Variants in CELSR3 observed in about 807,000 individuals in gnomAD.
The protein encoded by CELSR3 is cadherin EGF LAG seven-pass G-type receptor 3.
A neutral mutation model predicts 270.0 loss-of-function variants in CELSR3; 73 were observed. The ratio of observed to expected loss-of-function variants is 0.27; its 90% CI spans 0.22 to 0.33. The LOEUF (loss-of-function observed/expected upper bound fraction) is 0.33, where lower values mean the gene tolerates loss of function less well. Among genes scored for constraint, CELSR3 ranks in the 10% least tolerant of loss-of-function variants. The pLI is 1.00. For synonymous variants in CELSR3, 1,780 were observed against 1,905.4 expected, an observed-to-expected ratio of 0.93 and a Z score of 1.71; for missense variants, 3,614 against 4,533.8, an observed-to-expected ratio of 0.80 and a Z score of 5.83.
Position 48,637,880 on chromosome 3 carries a change from T to G in CELSR3, c.*325A>C. 1 of 359,260 alleles carries G rather than the reference T, an allele frequency of 2.8e-6. No individual in the cohort carries two copies. Among genetic ancestry groups the G allele is most frequent in the Non-Finnish European group, 5.2e-6 (1 of 191,084 alleles). The allele number at this position is 359,260 out of a possible 1,614,324, so 22.3% of individuals were successfully genotyped here. On this transcript the variant is annotated 3_prime_UTR_variant, in exon 35 of 35. Transcript: ENST00000164024. Reference sequence around the variant, plus strand: ...AGGACCCAAATGGGGTCAAACTGCATCTCTCCCTCTATCTCCCTCCCCCTC... The same window carrying G: ...AGGACCCAAATGGGGTCAAACTGCAGCTCTCCCTCTATCTCCCTCCCCCTC...
Position 48,659,623 on chromosome 3 carries a change from T to C in CELSR3, c.3012A>G (p.Glu1004=). ...GRVQYTFQNG[E]DGDGDFTIEP... ...CAATGGTAAAATCTCCATCCCCATC[T>C]TCACCATTCTGGAAAGTGTACTGGA... The change falls in exon 1 of 35, where the codon GAA becomes GAG. Residue 1004 remains glutamate, a synonymous_variant. Coordinates refer to ENST00000164024, the MANE Select transcript of CELSR3 (RefSeq NM_001407.3). This position sits in a 1 kb window ranked among gnomAD's most constrained non-coding sequence, Gnocchi z 8.1. The C allele has an allele frequency of 6.2e-7, 1 of 1,614,202 alleles. No individual in the cohort carries two copies.
rs562672110 is a variant in CELSR3, at chr3:48,643,678, C to T, written c.8166-1G>A. ...CAGCAGGAAGGAGCTGCGAAGGGTC[C>T]TGCTGTGGGGACATGGGAAGACACA... On this transcript the variant is annotated splice_acceptor_variant, in intron 27 of 34. Transcript: ENST00000164024. LOFTEE classifies it high-confidence loss of function. 7.1e-6 allele frequency: 11 copies of T among 1,552,426 alleles called. No individual in the cohort carries two copies. In the South Asian group the frequency reaches 1.3e-4, roughly 18 times the overall value.
chr3:48,661,047 G>A lies in CELSR3; in HGVS notation c.1588C>T (p.Arg530Cys), dbSNP rs1479086871. The A allele has an allele frequency of 2.5e-6, 4 of 1,613,794 alleles. No homozygotes were observed. The highest frequency in any genetic ancestry group is 3.4e-6 in the Non-Finnish European group (4 of 1,180,032). ...TCGTCTAGCACAGTTATGTGTACGC[G>A]CACAGTGGCCGAGCGCGGCCCGGGT... Reference protein sequence around the residue: ...QEPGPRSATVRVHITVLDEND... With the variant: ...QEPGPRSATVCVHITVLDEND... Residue 530 changes from arginine (R) to cysteine (C), a missense_variant, in exon 1 of 35, where the codon CGC (arginine) becomes TGC (cysteine). By Grantham distance (180) the Arg-to-Cys change is radical. Coordinates refer to ENST00000164024, the MANE Select transcript of CELSR3 (RefSeq NM_001407.3).
At position 48,645,500 on chromosome 3, in the gene CELSR3, G is replaced by A. The variant is rs75316765; in HGVS notation, c.7740C>T (p.Ala2580=). The A allele has an allele frequency of 2.4e-5, 39 of 1,612,834 alleles. No homozygotes were observed. Among genetic ancestry groups the A allele is most frequent in the Middle Eastern group, 1.6e-4 (1 of 6,062 alleles). ...AGAGGAGCTCTGCCACCCCCAGGGC[G>A]GCTGCCACATTGGCATGGATCCCAC... ...NVRGIHANVA[A]ALGVAELLFL... The change falls in exon 24 of 35, where the codon GCC becomes GCT. Residue 2580 remains alanine (A), a synonymous_variant. Coordinates refer to ENST00000164024, the MANE Select transcript of CELSR3 (RefSeq NM_001407.3). This position sits in a 1 kb window ranked among gnomAD's most constrained non-coding sequence, Gnocchi z 5.4.
At position 48,655,563 on chromosome 3, in the gene CELSR3, A is replaced by C. The variant is rs2047173328; in HGVS notation, c.4742-169T>G. Among the ~76,000 whole-genome samples, 1 of 152,106 alleles carries C rather than the reference A, an allele frequency of 6.6e-6. No homozygotes were observed. Among genetic ancestry groups the C allele is most frequent in the Non-Finnish European group, 1.5e-5 (1 of 68,008 alleles). Reference sequence around the variant, plus strand: ...GCCTTTGAACAGACAGGAGAAACAGACTTCTTGGAGGGAGGGACCTTCCCA... The same window carrying C: ...GCCTTTGAACAGACAGGAGAAACAGCCTTCTTGGAGGGAGGGACCTTCCCA... On this transcript the variant is annotated intron_variant, in intron 4 of 34. Transcript: ENST00000164024. The surrounding 1 kb of genome is among the most constrained non-coding windows in gnomAD (Gnocchi z 5.8).
At position 48,659,873 on chromosome 3, in the gene CELSR3, T is replaced by C. The variant is rs2077053901; in HGVS notation, c.2762A>G (p.Tyr921Cys). The C allele has an allele frequency of 6.2e-7, 1 of 1,614,020 alleles. No individual in the cohort carries two copies. Among genetic ancestry groups the C allele is most frequent in the Non-Finnish European group, 8.5e-7 (1 of 1,180,038 alleles). ...GAITLQAPLDYEDQVTYTLAI... is the reference protein window; with the variant it reads ...GAITLQAPLDCEDQVTYTLAI... ...CAGGGTGTAGGTCACCTGGTCCTCA[T>C]AGTCTAATGGGGCCTGTAATGTAAT... The change falls in exon 1 of 35, where the codon TAT becomes TGT. Residue 921 changes from tyrosine (Y) to cysteine (C), a missense_variant. Physicochemically the swap from Tyr to Cys is radical, Grantham distance 194 (BLOSUM62 -2). This residue lies in a region of CELSR3 where 1,331 missense variants were observed against 1,933.7 expected (regional missense o/e 0.69). Transcript: ENST00000164024. This position sits in a 1 kb window ranked among gnomAD's most constrained non-coding sequence, Gnocchi z 8.1.
At position 48,639,319 on chromosome 3, in the gene CELSR3, G is replaced by A. The variant is rs894821694; in HGVS notation, c.9911+355C>T. On this transcript the variant is annotated intron_variant, in intron 34 of 34. Transcript: ENST00000164024. The surrounding 1 kb of genome is among the most constrained non-coding windows in gnomAD (Gnocchi z 4.1). The stretch of plus-strand genomic sequence containing the variant: ...CGAACCTTCCCAAGCAAGGCCTCCT[G>A]CTCTCCTCCCTGCCCCTTGCATATT... Among the ~76,000 whole-genome samples the A allele has an allele frequency of 6.6e-6, 1 of 152,150 alleles. No individual in the cohort carries two copies. Among genetic ancestry groups the A allele is most frequent in the Non-Finnish European group, 1.5e-5 (1 of 68,014 alleles).
Position 48,658,974 on chromosome 3 carries a change from C to T in CELSR3, c.3661G>A (p.Val1221Ile), listed in dbSNP as rs1400767507. ...CGCAGCTCCCCACTGGTCTGGTTGA[C>T]TACCAGCAGCTGCAGCTCATTGCCA... ...ERGNELQLLV[V>I]NQTSGELRLS... The change falls in exon 1 of 35, where the codon GTC becomes ATC. Residue 1221 changes from valine (V) to isoleucine (I), a missense_variant. Val to Ile is a conservative substitution (Grantham distance 29). This residue lies in a region of CELSR3 where 1,331 missense variants were observed against 1,933.7 expected (regional missense o/e 0.69). Transcript: ENST00000164024. The surrounding 1 kb of genome is among the most constrained non-coding windows in gnomAD (Gnocchi z 4.7). The T allele has an allele frequency of 6.2e-7, 1 of 1,614,206 alleles. No homozygotes were observed. The highest frequency in any genetic ancestry group is 1.1e-5 in the South Asian group (1 of 91,084).
In CELSR3 at chr3:48,661,986, CCT is replaced by C. The variant is rs1235401881; in HGVS notation, c.647_648del (p.Gln216ArgfsTer87). On this transcript the variant is annotated frameshift_variant, in exon 1 of 35. Coordinates refer to ENST00000164024, the MANE Select transcript of CELSR3 (RefSeq NM_001407.3). LOFTEE classifies it high-confidence loss of function. ...GELWATGSKG[Q>X]GERATTSGAE... ...GCTCCGGATGTCGTGGCTCTCTCGCCCTGACCCTTGCTCCCTGTTGCCCATAA... is the reference window on the plus strand; with the variant it reads ...GCTCCGGATGTCGTGGCTCTCTCGCCGACCCTTGCTCCCTGTTGCCCATAA... 6.2e-7 allele frequency: 1 copy of C among 1,614,014 alleles called. No individual in the cohort carries two copies. The highest frequency in any genetic ancestry group is 1.7e-5 in the Admixed American group (1 of 60,032).
chr3:48,661,850 G>A lies in CELSR3; in HGVS notation c.785C>T (p.Pro262Leu), dbSNP rs764237843. Residue 262 changes from proline (P) to leucine (L), a missense_variant, in exon 1 of 35, where the codon CCC becomes CTC. Physicochemically the swap from Pro to Leu is moderately conservative, Grantham distance 98 (BLOSUM62 -3). Around this residue, in one of 7 missense-constraint regions of CELSR3, gnomAD observed 470 missense variants for 469.7 expected, o/e 1.00. Transcript: ENST00000164024. ...ARTAPASGSAPRESRTAPEPA... is the reference protein window; with the variant it reads ...ARTAPASGSALRESRTAPEPA... ...CTCGGGAGCTGTCCGAGACTCGCGG[G>A]GTGCTGAACCTGATGCAGGAGCTGT... 1 of 1,610,534 alleles carries A rather than the reference G, an allele frequency of 6.2e-7. No individual in the cohort carries two copies. Among genetic ancestry groups the A allele is most frequent in the Non-Finnish European group, 8.5e-7 (1 of 1,179,622 alleles).
chr3:48,662,303 A>T lies in CELSR3; in HGVS notation c.332T>A (p.Ile111Asn), dbSNP rs755433509. 1.5e-5 allele frequency: 24 copies of T among 1,612,920 alleles called. No homozygotes were observed. Among genetic ancestry groups the T allele is most frequent in the African/African-American group, 2.7e-5 (2 of 74,924 alleles). Reference sequence around the variant, plus strand: ...GCCCAATGGCTGGACGCCGTGTTCAATCCCCAGCTCCTCATTCGGCTGCTC... The same window carrying T: ...GCCCAATGGCTGGACGCCGTGTTCATTCCCCAGCTCCTCATTCGGCTGCTC... ...PPEQPNEELG[I>N]EHGVQPLGSR... is the part of the protein sequence containing the mutation. The change falls in exon 1 of 35, where the codon ATT becomes AAT. Residue 111 changes from isoleucine (I) to asparagine (N), a missense_variant. Coordinates refer to ENST00000164024, the MANE Select transcript of CELSR3 (RefSeq NM_001407.3). This position sits in a 1 kb window ranked among gnomAD's most constrained non-coding sequence, Gnocchi z 7.1.
At position 48,657,264 on chromosome 3, in the gene CELSR3, C is replaced by A. The variant is rs1393000170; in HGVS notation, c.3833G>T (p.Arg1278Leu). 6.2e-7 allele frequency: 1 copy of A among 1,612,576 alleles called. No homozygotes were observed. ...EELLANSLTV[R>L]LENMWQERFL... The stretch of plus-strand genomic sequence containing the variant: ...GCGCTCCTGCCACATGTTCTCAAGG[C>A]GCACGGTCAGGCTGTTGGCCAGCAA... Residue 1278 changes from arginine to leucine, a missense_variant, in exon 2 of 35, where the codon CGC (arginine) becomes CTC (leucine). Physicochemically the swap from Arg to Leu is moderately radical, Grantham distance 102. Around this residue, in one of 7 missense-constraint regions of CELSR3, gnomAD observed 1,331 missense variants for 1,933.7 expected, o/e 0.69. Transcript: ENST00000164024. This position sits in a 1 kb window ranked among gnomAD's most constrained non-coding sequence, Gnocchi z 5.4.
intron 20 of CELSR3, 24 bp downstream of exon 20, chr3:48,647,817 C>G (rs1378304486): frequency 6.2e-7 from 1 of 1,603,336 alleles, no homozygotes. Context: ...GGACTTGGCC[C>G]AGGGGTCCCC....
Position 48,660,178 on chromosome 3 carries a change from C to G in CELSR3, c.2457G>C (p.Leu819=). 6.2e-7 allele frequency: 1 copy of G among 1,614,000 alleles called. No individual in the cohort carries two copies. Among genetic ancestry groups the G allele is most frequent in the African/African-American group, 1.3e-5 (1 of 74,964 alleles). ...TGAAGTAGCGTTCCTGCTTGTAGTCCAGTGGCAGAGCCAGAGTCACCAGAC... is the reference window on the plus strand; with the variant it reads ...TGAAGTAGCGTTCCTGCTTGTAGTCGAGTGGCAGAGCCAGAGTCACCAGAC... ...GVGLVTLALP[L]DYKQERYFKL... Residue 819 remains leucine (L), a synonymous_variant, in exon 1 of 35, where the codon CTG becomes CTC. Transcript: ENST00000164024. This position sits in a 1 kb window ranked among gnomAD's most constrained non-coding sequence, Gnocchi z 5.5.
At position 48,646,177 on chromosome 3, in the gene CELSR3, A is replaced by G. The variant is rs774727704; in HGVS notation, c.7376T>C (p.Leu2459Pro). The change falls in exon 22 of 35, where the codon CTG becomes CCG. Residue 2459 changes from leucine to proline, a missense_variant. Coordinates refer to ENST00000164024, the MANE Select transcript of CELSR3 (RefSeq NM_001407.3). The surrounding 1 kb of genome is among the most constrained non-coding windows in gnomAD (Gnocchi z 4.8). ...AAACTCTAGGCTGATGGGGGACTCC[A>G]GGATTCCCCTTAGGAAGTTGCGTCC... ...FHGRNFLRGILESPISLEFRL... is the reference protein window; with the variant it reads ...FHGRNFLRGIPESPISLEFRL... The G allele has an allele frequency of 6.2e-7, 1 of 1,612,684 alleles. No homozygotes were observed. The highest frequency in any genetic ancestry group is 8.5e-7 in the Non-Finnish European group (1 of 1,179,926).
Position 48,653,994 on chromosome 3 carries a change from G to T in CELSR3, c.5162C>A (p.Ala1721Asp). ...ANNGTMAGCQ[A>D]KLHFCDSGPC... ...GCCTGAGTCACAAAAGTGTAGCTTGGCTTGGCAGCCTGGGAGAGGAAAGCA... is the reference window on the plus strand; with the variant it reads ...GCCTGAGTCACAAAAGTGTAGCTTGTCTTGGCAGCCTGGGAGAGGAAAGCA... The change falls in exon 8 of 35, where the codon GCC (alanine) becomes GAC (aspartate). Residue 1721 changes from alanine to aspartate, a missense_variant. Transcript: ENST00000164024. The surrounding 1 kb of genome is among the most constrained non-coding windows in gnomAD (Gnocchi z 6.5). The T allele has an allele frequency of 6.2e-7, 1 of 1,612,956 alleles. No individual in the cohort carries two copies. The highest frequency in any genetic ancestry group is 8.5e-7 in the Non-Finnish European group (1 of 1,179,614).
Position 48,641,676 on chromosome 3 carries a change from C to T in CELSR3, c.8825-152G>A. On this transcript the variant is annotated intron_variant, in intron 32 of 34. Coordinates refer to ENST00000164024, the MANE Select transcript of CELSR3 (RefSeq NM_001407.3). The surrounding 1 kb of genome is among the most constrained non-coding windows in gnomAD (Gnocchi z 4.8). ...CTCAGAGATCAATGGGTGGGGGTGA[C>T]TGGTGAGCTCCCTCCCCTTAACTGG... The T allele has an allele frequency of 1.2e-6, 1 of 819,612 alleles. No homozygotes were observed. Among genetic ancestry groups the T allele is most frequent in the Non-Finnish European group, 1.9e-6 (1 of 533,196 alleles). The allele number at this position is 819,612 out of a possible 1,614,324, so 50.8% of individuals were successfully genotyped here.
In CELSR3 at chr3:48,644,893, G is replaced by A; in HGVS notation, c.7973-65C>T. ...AGAGCTGCTGACCAGCCCATGTATG[G>A]GAGAAAGCATGGGTGAGGGCAGAGC... On this transcript the variant is annotated intron_variant, in intron 25 of 34. Coordinates refer to ENST00000164024, the MANE Select transcript of CELSR3 (RefSeq NM_001407.3). This position sits in a 1 kb window ranked among gnomAD's most constrained non-coding sequence, Gnocchi z 4.8. The A allele has an allele frequency of 1.3e-6, 2 of 1,533,644 alleles. No individual in the cohort carries two copies. Among genetic ancestry groups the A allele is most frequent in the African/African-American group, 1.4e-5 (1 of 73,352 alleles).
chr3:48,648,051 G>T (rs1039231902), intron 19 of CELSR3, 55 bp from the exon 20 acceptor site: 3 of 1,595,734 alleles, frequency 1.9e-6, no homozygotes, highest in Non-Finnish European at 2.6e-6. Context: ...CCCTGCCAAG[G>T]GTTCTACTCC....
Sources: gnomAD v4.1 joint callset for allele counts (sites outside exome capture counted in the v4.1 genomes callset) on GRCh38, gnomAD v4.1.1 for gene constraint, gnomAD v4.1.1 regional missense constraint, Gnocchi (gnomAD v3.1) non-coding constraint, MANE v1.5 for transcripts, NCBI Gene and HGNC (gene_info 2026-07-23, HGNC 2026-07-21) for gene names.